SCAMP4: variants seen among roughly 807,000 people sequenced by gnomAD.
SCAMP4 encodes secretory carrier membrane protein 4, also known as secretory carrier-associated membrane protein 4.
In SCAMP4, 19 loss-of-function variants were observed where a neutral mutation model predicts 32.1. That is an observed-to-expected ratio of 0.59 (90% CI 0.41 to 0.87). The LOEUF (loss-of-function observed/expected upper bound fraction) is 0.87, where lower values mean the gene tolerates loss of function less well. Ranked by LOEUF, SCAMP4 falls within the 40% of genes least tolerant of loss-of-function variation. The pLI is 0.00. For synonymous variants in SCAMP4, 152 were observed against 132.7 expected, an observed-to-expected ratio of 1.15 and a Z score of -1.00; for missense variants, 302 against 309.0, an observed-to-expected ratio of 0.98 and a Z score of 0.17.
At chr19:1,920,746 A>G in intron 5 of SCAMP4, 3 of 985,464 alleles carry the variant, frequency 3.0e-6, no homozygotes, top group Non-Finnish European at 3.6e-6. Flanking sequence ...CCTGGGCTCC[A>G]GTGCCTCCTG....
At chr19:1,911,749 C>T (rs554736182) in intron 1 of SCAMP4, 15 of 285,396 alleles carry the variant, frequency 5.3e-5, no homozygotes, top group African/African-American at 3.3e-4. Flanking sequence ...TGCCACTGTA[C>T]TCCAGCCTGG....
At chr19:1,917,428 G>T (rs748599736) in intron 2 of SCAMP4, among the ~76,000 whole-genome samples, 15 of 152,138 alleles carry the variant, frequency 9.9e-5, no homozygotes, top group Non-Finnish European at 1.9e-4. Context: ...GTCTAGAGGC[G>T]CCCCCATCCC....
At chr19:1,910,368 T>C (rs1016875270) in intron 1 of SCAMP4, among the ~76,000 whole-genome samples, 11 of 152,206 alleles carry the variant, frequency 7.2e-5, no homozygotes, top group Non-Finnish European at 2.9e-5. Flanking sequence ...CTGTCCCCGC[T>C]TCTGCTTCCA....
intron 1 of SCAMP4, 94 bp from the exon 2 acceptor site, chr19:1,914,885 C>T: frequency 9.9e-7 from 1 of 1,011,992 alleles, no homozygotes; most frequent in Non-Finnish European, 1.6e-6. Context: ...GAGCACAGGG[C>T]ACGATGAAGG....
Position 1,917,777 on chromosome 19 carries a change from G to C in SCAMP4, c.91G>C (p.Val31Leu), listed in dbSNP as rs778586587. The change falls in exon 3 of 7, where the codon GTG becomes CTG. Residue 31 changes from valine (V) to leucine (L), a missense_variant. Coordinates refer to ENST00000316097, the MANE Select transcript of SCAMP4 (RefSeq NM_079834.4). ...CCAGAACTTCTCCGACGAGATCCCA[G>C]TGGAGCACCAGGTCCTGGTGAAGAG... ...FYQNFSDEIP[V>L]EHQVLVKRIY... The C allele has an allele frequency of 1.2e-6, 2 of 1,614,036 alleles. No individual in the cohort carries two copies. The highest frequency in any genetic ancestry group is 1.7e-6 in the Non-Finnish European group (2 of 1,179,884).
chr19:1,923,051 ACT>A lies in SCAMP4; in HGVS notation c.396-14_396-13del, dbSNP rs1306132784. ...CCAGCAGGTGTGCAGGCACCCACGC[ACT>A]CTCTTGTCCCTTGCAGCGGCTGGCT... On this transcript the variant is annotated splice_polypyrimidine_tract_variant and intron_variant, in intron 5 of 6. Transcript: ENST00000316097. The A allele has an allele frequency of 2.2e-5, 34 of 1,527,846 alleles. No homozygotes were observed. The highest frequency in any genetic ancestry group is 3.0e-5 in the Non-Finnish European group (34 of 1,132,850). 94.6% of individuals were successfully genotyped at this position (1,527,846 alleles called of 1,614,324 possible).
At chr19:1,912,403 C>G in intron 1 of SCAMP4, 1 of 1,515,390 alleles carries the variant, frequency 6.6e-7, no homozygotes, top group Non-Finnish European at 8.8e-7. Context: ...GCCTCGGGCC[C>G]GCGCTCGCTG....
intron 1 of SCAMP4, 21 bp downstream of exon 1, chr19:1,905,460 T>C (rs746348107): frequency 4.4e-6 from 2 of 454,644 alleles, no homozygotes; most frequent in South Asian, 1.6e-5. Flanking sequence ...GGCCCCGAGG[T>C]CTCGGGTTCT....
intron 6 of SCAMP4, 77 bp downstream of exon 6, chr19:1,923,264 G>A: frequency 7.9e-7 from 1 of 1,272,610 alleles, no homozygotes; most frequent in Non-Finnish European, 1.1e-6. Flanking sequence ...CCAGGTGGGT[G>A]AACGTCGAGG....
In SCAMP4 at chr19:1,918,134, C is replaced by G. The variant is rs371988987; in HGVS notation, c.144C>G (p.Cys48Trp). ...KRIYRLWMFYCATLGVNLIAC... is the reference protein window; with the variant it reads ...KRIYRLWMFYWATLGVNLIAC... The stretch of plus-strand genomic sequence containing the variant: ...CTCCCTCTCTCTTCGCAGTTTACTG[C>G]GCCACCCTCGGCGTCAACCTCATTG... Residue 48 changes from cysteine to tryptophan, a missense_variant, in exon 4 of 7, where the codon TGC becomes TGG. Cys to Trp is a radical substitution (Grantham distance 215). Coordinates refer to ENST00000316097, the MANE Select transcript of SCAMP4 (RefSeq NM_079834.4). 1 of 1,610,450 alleles carries G rather than the reference C, an allele frequency of 6.2e-7. No homozygotes were observed. Among genetic ancestry groups the G allele is most frequent in the Non-Finnish European group, 8.5e-7 (1 of 1,178,386 alleles).
chr19:1,912,527 C>CCACTGG lies in SCAMP4; in HGVS notation c.-41-2450_-41-2445dup, dbSNP rs1366321891. 6.7e-7 allele frequency: 1 copy of CCACTGG among 1,498,282 alleles called. No individual in the cohort carries two copies. Among genetic ancestry groups the CCACTGG allele is most frequent in the South Asian group, 1.2e-5 (1 of 80,058 alleles). The allele number at this position is 1,498,282 out of a possible 1,614,324, so 92.8% of individuals were successfully genotyped here. ...GGGGCCAGTTCGAGGAGGCCCGGGC[C>CCACTGG]CACTGGCCCACGTCCTTCCACGAGG... On this transcript the variant is annotated intron_variant, in intron 1 of 6. Transcript: ENST00000316097.
chr19:1,912,880 C>G, intron 1 of SCAMP4: 1 of 1,604,804 alleles, frequency 6.2e-7, no homozygotes, highest in Non-Finnish European at 8.5e-7. Context: ...GCCGTCCGCG[C>G]AGGCGCCGTG....
At chr19:1,918,442 C>T (rs1319741270) in intron 4 of SCAMP4, among the ~76,000 whole-genome samples, 159 bp downstream of exon 4, 2 of 152,218 alleles carry the variant, frequency 1.3e-5, no homozygotes, top group African/African-American at 4.8e-5. Flanking sequence ...AAGCCAGAGC[C>T]AACTACTGTC....
chr19:1,922,011 C>T (rs577361698), intron 5 of SCAMP4: 66 of 985,322 alleles, frequency 6.7e-5, no homozygotes, highest in East Asian at 1.1e-4. Flanking sequence ...GTGGGTCCTG[C>T]GGGCTGCCTG....
chr19:1,911,858 AC>A (rs2013467351), intron 1 of SCAMP4: 2 of 552,266 alleles, frequency 3.6e-6, no homozygotes, highest in African/African-American at 2.0e-5. Context: ...GTTTTTAAAA[AC>A]CAATGGCTGT....
intron 1 of SCAMP4, among the ~76,000 whole-genome samples, chr19:1,910,689 G>C (rs1420081780): frequency 7.0e-6 from 1 of 143,120 alleles, no homozygotes; most frequent in Non-Finnish European, 1.5e-5. Flanking sequence ...CAATTCTCTT[G>C]CCTCAGCTTC....
intron 5 of SCAMP4, chr19:1,921,455 C>T: frequency 1.0e-6 from 1 of 985,402 alleles, no homozygotes; most frequent in Non-Finnish European, 1.2e-6. Flanking sequence ...CAGCAGGGGC[C>T]CCCGGTGGGC....
rs550830129 is a variant in SCAMP4, at chr19:1,924,865, C to G, written c.*581C>G. On this transcript the variant is annotated 3_prime_UTR_variant, in exon 7 of 7. Transcript: ENST00000316097. ...ATCTGTGCGGCTCCAGCCTCGCCCC[C>G]TCCCCACGTGCACCATACCTGGGGA... 6.5e-6 allele frequency: 1 copy of G among 154,892 alleles called. No individual in the cohort carries two copies. The allele number at this position is 154,892 out of a possible 1,614,324, so 9.6% of individuals were successfully genotyped here. A position where few individuals can be genotyped will look rare whatever the true frequency, so the allele number is the denominator to read the frequency against.
rs2014070531 is a variant in SCAMP4, at chr19:1,925,505, A to AGTT, written c.*1221_*1222insGTT. Reference sequence around the variant, plus strand: ...CTCACCCCCCAACTCCCCCTGGAACACCTCTCCCAGGCAAGACATTTTCAC... The same window carrying AGTT: ...CTCACCCCCCAACTCCCCCTGGAACAGTTCCTCTCCCAGGCAAGACATTTTCAC... On this transcript the variant is annotated 3_prime_UTR_variant, in exon 7 of 7. Coordinates refer to ENST00000316097, the MANE Select transcript of SCAMP4 (RefSeq NM_079834.4). 1 of 152,180 alleles carries AGTT rather than the reference A, an allele frequency of 6.6e-6. No homozygotes were observed. The highest frequency in any genetic ancestry group is 2.4e-5 in the African/African-American group (1 of 41,160). 9.4% of individuals were successfully genotyped at this position (152,180 alleles called of 1,614,324 possible).
Sources: gnomAD v4.1 joint callset for allele counts (sites outside exome capture counted in the v4.1 genomes callset) on GRCh38, gnomAD v4.1.1 for gene constraint, MANE v1.5 for transcripts, NCBI Gene and HGNC (gene_info 2026-07-23, HGNC 2026-07-21) for gene names.